The following NDE1 variants were observed in gnomAD, a reference collection of about 807,000 sequenced individuals.
The protein encoded by NDE1 is nudE neurodevelopment protein 1, also known as nuclear distribution protein nudE homolog 1.
A neutral mutation model predicts 43.4 loss-of-function variants in NDE1; 28 were observed. The observed-to-expected ratio is 0.65, with a 90% confidence interval of 0.48 to 0.89. The LOEUF is 0.89. Among genes scored for constraint, NDE1 ranks in the 40% least tolerant of loss-of-function variants. NDE1 has a pLI of 0.00. For synonymous variants in NDE1, 184 were observed against 172.0 expected (o/e 1.07, Z -0.55); for missense variants, 441 against 434.1 (o/e 1.02, Z -0.14).
chr16:15,700,089 G>A lies in NDE1; in HGVS notation c.947+3229G>A, dbSNP rs540989476. ...TCTCTGGGAAGGGCTCTAAGTTGTC[G>A]GTGATGAGGCTACCGTGTTGTTTTT... On this transcript the variant is annotated intron_variant, in intron 8 of 8. Coordinates refer to ENST00000396354, the MANE Select transcript of NDE1 (RefSeq NM_017668.3). The A allele has an allele frequency of 1.5e-4, 169 of 1,155,708 alleles. 1 individual carries two copies. The highest frequency in any genetic ancestry group is 2.4e-4 in the Admixed American group (6 of 24,590). 71.6% of individuals were successfully genotyped at this position (1,155,708 alleles called of 1,614,324 possible). A position where few individuals can be genotyped will look rare whatever the true frequency, so the allele number is the denominator to read the frequency against.
intron 8 of NDE1, chr16:15,703,852 G>A: frequency 1.7e-6 from 2 of 1,209,938 alleles, no homozygotes; most frequent in Non-Finnish European, 2.4e-6. Context: ...TGTGATATTT[G>A]GAATTTGAGA....
At chr16:15,701,959 A>G (rs886367056) in intron 8 of NDE1, 2 of 152,238 alleles carry the variant, frequency 1.3e-5, no homozygotes, top group African/African-American at 4.8e-5. Flanking sequence ...TTGTATGTTT[A>G]TACTTTAATG....
chr16:15,689,974 G>T (rs1212517843), intron 5 of NDE1, among the ~76,000 whole-genome samples: 1 of 151,436 alleles, frequency 6.6e-6, no homozygotes, highest in Non-Finnish European at 1.5e-5. Flanking sequence ...GAGAACAATG[G>T]TTGAAAAGCT....
At chr16:15,708,711 G>A (rs1353794833) in intron 8 of NDE1, 9 of 1,347,176 alleles carry the variant, frequency 6.7e-6, no homozygotes, top group South Asian at 1.2e-5. Flanking sequence ...ATGTGCAAGG[G>A]TTTAAAAATT....
rs899234749 is a variant in NDE1, at chr16:15,673,086, G to A, written c.238-4715G>A. 8.5e-5 allele frequency among the ~76,000 whole-genome samples: 13 copies of A among 152,146 alleles called. No homozygotes were observed. The South Asian group carries it at 1.0e-3, about 12-fold the overall frequency. ...GGGTGCATCCGGACTTTCTAGCAAC[G>A]GCTTTGTTTACTTGATTGAGTAAAG... On this transcript the variant is annotated intron_variant, in intron 3 of 8. Transcript: ENST00000396354.
rs576351952 is a variant in NDE1, at chr16:15,724,456, G to T, written c.*205G>T. 20 of 1,611,090 alleles carry T rather than the reference G, an allele frequency of 1.2e-5. No individual in the cohort carries two copies. The South Asian group carries it at 2.2e-4, about 18-fold the overall frequency. On this transcript the variant is annotated 3_prime_UTR_variant, in exon 9 of 9. Coordinates refer to ENST00000396354, the MANE Select transcript of NDE1 (RefSeq NM_017668.3). ...TAGGGTGAGAGGGGGACCATGAGTGGCCCCTGTCCCTGGCCCCACAGACTC... is the reference window on the plus strand; with the variant it reads ...TAGGGTGAGAGGGGGACCATGAGTGTCCCCTGTCCCTGGCCCCACAGACTC...
intron 8 of NDE1, among the ~76,000 whole-genome samples, chr16:15,704,946 T>G (rs1283065994): frequency 6.6e-6 from 1 of 152,184 alleles, no homozygotes; most frequent in African/African-American, 2.4e-5. Context: ...CCCAAAGCGC[T>G]GGCATTACAG....
At chr16:15,704,026 C>T (rs1207603681) in intron 8 of NDE1, 8 of 1,614,076 alleles carry the variant, frequency 5.0e-6, no homozygotes, top group Middle Eastern at 3.3e-4. Flanking sequence ...AAGTCTGCGT[C>T]TCGAGTGTCC....
In NDE1 at chr16:15,724,562, A is replaced by G; in HGVS notation, c.*311A>G. ...GGGGGTCAAGCACCATCGCACCAACACTCCACCGCGATCTGCCTGCGGGGG... is the reference window on the plus strand; with the variant it reads ...GGGGGTCAAGCACCATCGCACCAACGCTCCACCGCGATCTGCCTGCGGGGG... On this transcript the variant is annotated 3_prime_UTR_variant, in exon 9 of 9. Coordinates refer to ENST00000396354, the MANE Select transcript of NDE1 (RefSeq NM_017668.3). 6.2e-7 allele frequency: 1 copy of G among 1,607,856 alleles called. No individual in the cohort carries two copies. The highest frequency in any genetic ancestry group is 8.5e-7 in the Non-Finnish European group (1 of 1,176,750).
intron 8 of NDE1, among the ~76,000 whole-genome samples, chr16:15,723,868 C>T (rs1405855070): frequency 6.6e-6 from 1 of 152,132 alleles, no homozygotes; most frequent in Non-Finnish European, 1.5e-5. Context: ...TAAATAAGCA[C>T]CTCATTCCTT....
intron 8 of NDE1, chr16:15,718,201 C>T (rs748042473): frequency 3.2e-6 from 5 of 1,544,692 alleles, no homozygotes; most frequent in Non-Finnish European, 4.4e-6. Flanking sequence ...ACCCTCTTGT[C>T]CCTCAATCCA....
chr16:15,717,377 G>A (rs200437188), intron 8 of NDE1: 193 of 1,600,826 alleles, frequency 1.2e-4, no homozygotes, highest in East Asian at 6.7e-4. Context: ...GCCATGAGGC[G>A]GACTCAGGGA....
In NDE1 at chr16:15,696,807, A is replaced by G. The variant is rs139406380; in HGVS notation, c.894A>G (p.Arg298=). The change falls in exon 8 of 9, where the codon AGA becomes AGG. Residue 298 remains arginine (R), a synonymous_variant. Coordinates refer to ENST00000396354, the MANE Select transcript of NDE1 (RefSeq NM_017668.3). ...CCTCTGGGCGGAGCAGCAAGAACAG[A>G]GATGGCGGGGAGAGACGGCCAAGCA... is the stretch of plus-strand genomic sequence containing the variant. The part of the protein sequence containing the change: ...GPASGRSSKN[R]DGGERRPSST... The G allele has an allele frequency of 6.2e-7, 1 of 1,614,194 alleles. No individual in the cohort carries two copies. Among genetic ancestry groups the G allele is most frequent in the South Asian group, 1.1e-5 (1 of 91,088 alleles).
chr16:15,678,010 A>G, intron 4 of NDE1, 61 bp downstream of exon 4: 1 of 1,595,808 alleles, frequency 6.3e-7, no homozygotes, highest in Non-Finnish European at 8.6e-7. Context: ...TGTCCCCAGC[A>G]GCTGGGTACT....
upstream of NDE1, among the ~76,000 whole-genome samples, chr16:15,646,300 G>A (rs1236068987): frequency 6.6e-6 from 1 of 152,226 alleles, no homozygotes; most frequent in African/African-American, 2.4e-5. Context: ...AGGGGGGCCA[G>A]GCGCAGTGGC....
intron 8 of NDE1, chr16:15,700,245 C>A: frequency 3.4e-6 from 1 of 298,274 alleles, no homozygotes; most frequent in Non-Finnish European, 5.0e-6. Context: ...TACAGGCACC[C>A]ACCACCACAC....
intron 8 of NDE1, among the ~76,000 whole-genome samples, chr16:15,709,726 C>T (rs1373011402): frequency 6.6e-6 from 1 of 152,170 alleles, no homozygotes; most frequent in East Asian, 1.9e-4. Context: ...TTTGAGCAAG[C>T]TAGTTTGAGA....
At chr16:15,653,587 T>A in intron 1 of NDE1, among the ~76,000 whole-genome samples, 1 of 152,284 alleles carries the variant, frequency 6.6e-6, no homozygotes, top group Admixed American at 6.5e-5. Flanking sequence ...GCTGGGTTTC[T>A]TCTCTCAGAG....
chr16:15,667,401 G>T lies in NDE1; in HGVS notation c.199G>T (p.Glu67Ter). The T allele has an allele frequency of 6.2e-7, 1 of 1,613,912 alleles. No homozygotes were observed. The highest frequency in any genetic ancestry group is 1.3e-5 in the African/African-American group (1 of 75,020). The change falls in exon 3 of 9, where the codon GAA becomes TAA. Residue 67 changes from glutamate (E) to a stop codon, truncating the protein, a stop_gained. Transcript: ENST00000396354. LOFTEE classifies it high-confidence loss of function. ...IETRNRDLLS[E>*]NNRLRMELET... The stretch of plus-strand genomic sequence containing the variant: ...AACCAGGAACAGAGACCTCCTGTCC[G>T]AAAATAACCGCCTTCGCATGGAGCT...
Sources: gnomAD v4.1 joint callset for allele counts (sites outside exome capture counted in the v4.1 genomes callset) on GRCh38, gnomAD v4.1.1 for gene constraint, MANE v1.5 for transcripts, NCBI Gene and HGNC (gene_info 2026-07-23, HGNC 2026-07-21) for gene names.